Variants in RARB observed in about 807,000 individuals in gnomAD.
The protein encoded by RARB is retinoic acid receptor beta, also known as HBV-activated protein.
A neutral mutation model predicts 51.9 loss-of-function variants in RARB; 17 were observed. The ratio of observed to expected loss-of-function variants is 0.33; its 90% CI spans 0.22 to 0.49. The LOEUF (loss-of-function observed/expected upper bound fraction) is 0.49. Among genes scored for constraint, RARB ranks in the 20% least tolerant of loss-of-function variants. The pLI is 0.99. For synonymous variants in RARB, 215 were observed against 195.4 expected (o/e 1.10, Z -0.84); for missense variants, 369 against 550.8 (o/e 0.67, Z 3.30).
Position 25,428,407 on chromosome 3 carries a change from C to A in RARB, c.-325C>A. The stretch of plus-strand genomic sequence containing the variant: ...GATCCGAGCAGGGTTTGTCTGGGCA[C>A]CGTCGGGGTAGGATCCGGAACGCAT... On this transcript the variant is annotated 5_prime_UTR_variant, in exon 1 of 8. Transcript: ENST00000330688. 1 of 1,265,080 alleles carries A rather than the reference C, an allele frequency of 7.9e-7. No homozygotes were observed. Among genetic ancestry groups the A allele is most frequent in the Non-Finnish European group, 9.9e-7 (1 of 1,007,424 alleles). The allele number at this position is 1,265,080 out of a possible 1,614,324, so 78.4% of individuals were successfully genotyped here.
At position 25,273,650 on chromosome 3, in the gene RARB, G is replaced by A. The variant is rs933862113; in HGVS notation, c.178+99075G>A. ...CTGCTCACTGGCAAAGATAAGGAAT[G>A]CGATATCATTTGGTTTGCATGTTTC... On this transcript the variant is annotated intron_variant, in intron 5 of 11. Transcript: ENST00000383772. 5.3e-5 allele frequency among the ~76,000 whole-genome samples: 8 copies of A among 152,314 alleles called. No individual in the cohort carries two copies. The East Asian group carries it at 1.4e-3, about 26-fold the overall frequency.
intron 1 of RARB, among the ~76,000 whole-genome samples, chr3:24,856,041 C>T (rs1646743299): frequency 2.7e-5 from 4 of 149,500 alleles, no homozygotes; most frequent in South Asian, 2.1e-4. Context: ...TGAACCACTG[C>T]GCCTGGCCTG....
At chr3:25,531,731 A>G (rs1467540465) in intron 3 of RARB, among the ~76,000 whole-genome samples, 1 of 151,884 alleles carries the variant, frequency 6.6e-6, no homozygotes, top group East Asian at 1.9e-4. Context: ...TTTAAAAAAA[A>G]AAAAAAAAAA....
intron 5 of RARB, among the ~76,000 whole-genome samples, chr3:25,353,706 C>G (rs1705646295): frequency 6.6e-6 from 1 of 151,926 alleles, no homozygotes; most frequent in Non-Finnish European, 1.5e-5. Flanking sequence ...CAGATACTTC[C>G]ATACTTCTTA....
chr3:24,947,603 A>G (rs1383978278), intron 2 of RARB, among the ~76,000 whole-genome samples: 1 of 152,192 alleles, frequency 6.6e-6, no homozygotes, highest in African/African-American at 2.4e-5. Flanking sequence ...GAAGGCTCGC[A>G]AGTACAGATG....
intron 5 of RARB, among the ~76,000 whole-genome samples, chr3:25,334,601 C>T (rs1046118536): frequency 1.8e-4 from 28 of 152,210 alleles, no homozygotes; most frequent in African/African-American, 6.5e-4. Flanking sequence ...TTGGATGCAG[C>T]ACACCAACGT....
At chr3:25,308,435 G>A (rs1020349832) in intron 5 of RARB, among the ~76,000 whole-genome samples, 1 of 145,734 alleles carries the variant, frequency 6.9e-6, no homozygotes. Flanking sequence ...TCCCTGACTG[G>A]TTTTCTTTCT....
chr3:24,857,640 G>T (rs940452355), intron 1 of RARB, among the ~76,000 whole-genome samples: 1 of 152,146 alleles, frequency 6.6e-6, no homozygotes, highest in Admixed American at 6.5e-5. Flanking sequence ...TTCGACTTCA[G>T]TGCAGTAGCT....
intron 3 of RARB, among the ~76,000 whole-genome samples, chr3:25,091,302 GGTT>G (rs1408046904): frequency 6.6e-6 from 1 of 152,174 alleles, no homozygotes; most frequent in African/African-American, 2.4e-5. Flanking sequence ...TTATGACAAA[GGTT>G]GGAAGCTGAA....
At chr3:24,900,637 A>G (rs1279865780) in intron 2 of RARB, among the ~76,000 whole-genome samples, 1 of 152,216 alleles carries the variant, frequency 6.6e-6, no homozygotes, top group African/African-American at 2.4e-5. Context: ...TTGCTTACAA[A>G]AAATGTTGTT....
intron 2 of RARB, among the ~76,000 whole-genome samples, chr3:24,922,536 T>G (rs1695239957): frequency 6.6e-6 from 1 of 152,066 alleles, no homozygotes; most frequent in Admixed American, 6.6e-5. Flanking sequence ...TTGACAGAAG[T>G]TAAGTATCCT....
At chr3:24,861,989 C>G (rs1036596542) in intron 2 of RARB, among the ~76,000 whole-genome samples, 6 of 152,234 alleles carry the variant, frequency 3.9e-5, no homozygotes, top group Non-Finnish European at 8.8e-5. Context: ...CAGGCACAAA[C>G]TTCTCACTGT....
intron 5 of RARB, among the ~76,000 whole-genome samples, chr3:25,204,273 C>T (rs1701471761): frequency 6.6e-6 from 1 of 152,198 alleles, no homozygotes; most frequent in South Asian, 2.1e-4. Context: ...TTTTCAGCTC[C>T]ATCAGGTCCT....
intron 2 of RARB, among the ~76,000 whole-genome samples, chr3:25,467,999 G>A (rs770321186): frequency 6.6e-6 from 1 of 152,094 alleles, no homozygotes; most frequent in Non-Finnish European, 1.5e-5. Flanking sequence ...GGGTCAAGGG[G>A]GCCTGATGTG....
intron 3 of RARB, among the ~76,000 whole-genome samples, chr3:25,508,842 C>A (rs1420566813): frequency 6.6e-6 from 1 of 151,764 alleles, no homozygotes; most frequent in Non-Finnish European, 1.5e-5. Flanking sequence ...AAATCTGCTG[C>A]CCCTTTCTAC....
chr3:25,150,115 C>T (rs1189141253), intron 4 of RARB, among the ~76,000 whole-genome samples: 4 of 151,652 alleles, frequency 2.6e-5, no homozygotes, highest in African/African-American at 4.8e-5. Context: ...GCAGAAGAAT[C>T]GCTTGAACCT....
chr3:25,053,279 T>A (rs1057301785), intron 2 of RARB, among the ~76,000 whole-genome samples: 3 of 152,116 alleles, frequency 2.0e-5, no homozygotes. Context: ...CTTAAGAAAA[T>A]CTGCTGCAAC....
chr3:25,401,252 C>T (rs896022764), intron 5 of RARB, among the ~76,000 whole-genome samples: 1 of 151,924 alleles, frequency 6.6e-6, no homozygotes, highest in African/African-American at 2.4e-5. Context: ...ACTTTCTCTC[C>T]AGTCAGCTGA....
intron 2 of RARB, among the ~76,000 whole-genome samples, chr3:24,870,226 TTC>T (rs1202035450): frequency 1.3e-5 from 2 of 152,118 alleles, no homozygotes; most frequent in Admixed American, 6.6e-5. Context: ...CTAATTTATT[TTC>T]TTTTATGACC....
Sources: allele counts gnomAD v4.1 joint callset (sites outside exome capture counted in the v4.1 genomes callset), GRCh38; gene constraint gnomAD v4.1.1; transcripts MANE v1.5; gene names NCBI Gene and HGNC (gene_info 2026-07-23, HGNC 2026-07-21).